ACACA: variants seen among roughly 807,000 people sequenced by gnomAD.
ACACA encodes the protein acetyl-CoA carboxylase alpha.
A neutral mutation model predicts 296.1 loss-of-function variants in ACACA; 103 were observed. The observed-to-expected ratio is 0.35, with a 90% CI of 0.30 to 0.41. ACACA has a LOEUF of 0.41. Among genes scored for constraint, ACACA ranks in the 10% least tolerant of loss-of-function variants. ACACA has a pLI of 1.00. For missense variants in ACACA, 1,554 were observed against 2,989.7 expected (o/e 0.52, Z 11.20); for synonymous variants, 953 against 1,038.6 (o/e 0.92, Z 1.58).
chr17:37,125,604 G>C (rs2074742310), intron 48 of ACACA, 94 bp downstream of exon 48: 1 of 1,125,130 alleles, frequency 8.9e-7, no homozygotes, highest in Non-Finnish European at 1.3e-6. Flanking sequence ...CAGACAAAGA[G>C]AACATTATTG....
rs945630220 is a variant in ACACA, at chr17:37,344,463, C to T, written c.39-4613G>A. Among the ~76,000 whole-genome samples, 4 of 152,184 alleles carry T rather than the reference C, an allele frequency of 2.6e-5. No homozygotes were observed. In the East Asian group the frequency reaches 7.7e-4, roughly 29 times the overall value. On this transcript the variant is annotated intron_variant, in intron 1 of 55. Transcript: ENST00000616317. Reference sequence around the variant, plus strand: ...ATCCCAGCTACCTGGGAGGCTGAGGCAGGAGAATCGCTTGAACCCAGGAGG... The same window carrying T: ...ATCCCAGCTACCTGGGAGGCTGAGGTAGGAGAATCGCTTGAACCCAGGAGG...
In ACACA at chr17:37,097,948, A is replaced by C; in HGVS notation, c.6602T>G (p.Leu2201Trp). Residue 2201 changes from leucine (L) to tryptophan (W), a missense_variant, in exon 53 of 56, where the codon TTG (leucine) becomes TGG (tryptophan). Leu to Trp is a moderately conservative substitution (Grantham distance 61). Coordinates refer to ENST00000616317, the MANE Select transcript of ACACA (RefSeq NM_198834.3). This position sits in a 1 kb window ranked among gnomAD's most constrained non-coding sequence, Gnocchi z 4.8. ...CTCCCGCTCCTTCAACTTGTTCTCC[A>C]ACTCCTTCCGCTCAGCTGTGCTTAG... ...PELSTAERKE[L>W]ENKLKEREEF... is the part of the protein sequence containing the mutation. The C allele has an allele frequency of 6.2e-7, 1 of 1,614,150 alleles. No individual in the cohort carries two copies. Among genetic ancestry groups the C allele is most frequent in the Non-Finnish European group, 8.5e-7 (1 of 1,180,018 alleles).
intron 3 of ACACA, among the ~76,000 whole-genome samples, chr17:37,314,248 C>T (rs896867858): frequency 9.3e-5 from 14 of 150,808 alleles, no homozygotes; most frequent in African/African-American, 2.0e-4. Flanking sequence ...TACAGGTGCC[C>T]GCCACCATGC....
Position 37,215,522 on chromosome 17 carries a change from T to TA in ACACA, c.3684-5033dup, listed in dbSNP as rs371141867. ...TGCATAGGCACAATTTATGGGATAA[T>TA]ATACTTTACATATGTTTGTATAAAT... On this transcript the variant is annotated intron_variant, in intron 29 of 55. Coordinates refer to ENST00000616317, the MANE Select transcript of ACACA (RefSeq NM_198834.3). Among the ~76,000 whole-genome samples the TA allele has an allele frequency of 8.8e-3, 1,347 of 152,336 alleles. 5 individuals are homozygous for TA. The highest frequency in any genetic ancestry group is 0.014 in the Non-Finnish European group (937 of 68,022).
At chr17:37,338,625 A>G (rs537342426) in intron 2 of ACACA, among the ~76,000 whole-genome samples, 2 of 151,740 alleles carry the variant, frequency 1.3e-5, no homozygotes, top group East Asian at 3.9e-4. Flanking sequence ...AAAAAAAAAC[A>G]AAAAACCTTT....
At chr17:37,235,574 A>T (rs2080071113) in intron 24 of ACACA, among the ~76,000 whole-genome samples, 1 of 152,180 alleles carries the variant, frequency 6.6e-6, no homozygotes, top group African/African-American at 2.4e-5. Flanking sequence ...TGAGATTCTG[A>T]TTCCATGTTT....
chr17:37,196,035 C>T (rs1043585450), intron 35 of ACACA, among the ~76,000 whole-genome samples: 1 of 152,020 alleles, frequency 6.6e-6, no homozygotes, highest in Non-Finnish European at 1.5e-5. Flanking sequence ...ATAATTTGCC[C>T]AAATTAGCCA....
intron 1 of ACACA, among the ~76,000 whole-genome samples, chr17:37,382,913 T>C (rs906925099): frequency 6.6e-6 from 1 of 152,014 alleles, no homozygotes; most frequent in Admixed American, 6.6e-5. Context: ...GGCACGCGCT[T>C]GTAGTCCCAG....
chr17:37,393,055 T>C (rs1034640559), intron 1 of ACACA, among the ~76,000 whole-genome samples: 14 of 149,736 alleles, frequency 9.3e-5, no homozygotes, highest in Admixed American at 4.7e-4. Flanking sequence ...GGCAGGAGAA[T>C]CGCTTGAACC....
At chr17:37,395,429 C>CAA (rs11409136) in intron 1 of ACACA, among the ~76,000 whole-genome samples, 4 of 126,468 alleles carry the variant, frequency 3.2e-5, no homozygotes, top group African/African-American at 5.7e-5. Context: ...GACTCCATTT[C>CAA]AAAAAAAAAA....
intron 1 of ACACA, among the ~76,000 whole-genome samples, chr17:37,362,648 G>A (rs1032350688): frequency 1.3e-5 from 2 of 152,174 alleles, no homozygotes; most frequent in Non-Finnish European, 2.9e-5. Context: ...GTTTCTCAAA[G>A]CATGTCCCAC....
At chr17:37,340,103 G>A (rs981728044) in intron 1 of ACACA, among the ~76,000 whole-genome samples, 2 of 152,096 alleles carry the variant, frequency 1.3e-5, no homozygotes, top group African/African-American at 4.8e-5. Context: ...ATTTCACAAG[G>A]TGGCTTTTCC....
At position 37,181,298 on chromosome 17, in the gene ACACA, G is replaced by T. The variant is rs769812117; in HGVS notation, c.4835C>A (p.Thr1612Asn). ...QGPLHGMLIN[T>N]PYVTKDLLQS... Reference sequence around the variant, plus strand: ...CAGCAGGTCTTTGGTCACATATGGAGTATTGATTAACATTCCATGCAGTGG... The same window carrying T: ...CAGCAGGTCTTTGGTCACATATGGATTATTGATTAACATTCCATGCAGTGG... The change falls in exon 40 of 56, where the codon ACT (threonine) becomes AAT (asparagine). Residue 1612 changes from threonine to asparagine, a missense_variant. By Grantham distance (65) the Thr-to-Asn change is moderately conservative (BLOSUM62 0). Coordinates refer to ENST00000616317, the MANE Select transcript of ACACA (RefSeq NM_198834.3). 6 of 1,613,744 alleles carry T rather than the reference G, an allele frequency of 3.7e-6. No individual in the cohort carries two copies. Among genetic ancestry groups the T allele is most frequent in the Non-Finnish European group, 4.2e-6 (5 of 1,179,800 alleles).
chr17:37,389,175 C>A (rs1314298501), intron 1 of ACACA: 7 of 1,513,126 alleles, frequency 4.6e-6, no homozygotes, highest in African/African-American at 1.4e-5. Context: ...AGTTGCCCAA[C>A]AAGAGGTTTG....
chr17:37,256,277 G>C lies in ACACA; in HGVS notation c.1826+1426C>G, dbSNP rs1331628098. On this transcript the variant is annotated intron_variant, in intron 14 of 55. Transcript: ENST00000616317. ...TAGTGTAAACCTTTTTCACTTTGCA[G>C]AGCATAATATGGCAGCGAATATGCT... 2.0e-5 allele frequency among the ~76,000 whole-genome samples: 3 copies of C among 152,260 alleles called. No individual in the cohort carries two copies. In the East Asian group the frequency reaches 5.8e-4, roughly 29 times the overall value.
At chr17:37,146,476 G>T (rs1214933863) in intron 45 of ACACA, among the ~76,000 whole-genome samples, 1 of 152,064 alleles carries the variant, frequency 6.6e-6, no homozygotes, top group Non-Finnish European at 1.5e-5. Flanking sequence ...CAGGGAGAAA[G>T]AAAGTTTTTA....
intron 45 of ACACA, chr17:37,141,555 G>A (rs977669694): frequency 5.7e-6 from 1 of 174,338 alleles, no homozygotes; most frequent in East Asian, 1.6e-4. Context: ...GGATTACCAC[G>A]CCAACCTGAT....
intron 3 of ACACA, among the ~76,000 whole-genome samples, chr17:37,319,156 T>G (rs1162943595): frequency 6.6e-6 from 1 of 152,142 alleles, no homozygotes; most frequent in Non-Finnish European, 1.5e-5. Flanking sequence ...TGGGGGGTGG[T>G]AATGTGATAG....
intron 1 of ACACA, among the ~76,000 whole-genome samples, chr17:37,360,725 G>C (rs1233850540): frequency 6.6e-6 from 1 of 152,168 alleles, no homozygotes; most frequent in Non-Finnish European, 1.5e-5. Context: ...GAGAACTTAG[G>C]AAAGATGTGG....
Sources: gnomAD v4.1 joint callset for allele counts (sites outside exome capture counted in the v4.1 genomes callset) on GRCh38, gnomAD v4.1.1 for gene constraint, Gnocchi (gnomAD v3.1) non-coding constraint, MANE v1.5 for transcripts, NCBI Gene and HGNC (gene_info 2026-07-23, HGNC 2026-07-21) for gene names.